RBFOX1: variants seen among roughly 807,000 people sequenced by gnomAD.
RBFOX1 encodes the protein RNA binding protein fox-1 homolog 1.
In RBFOX1, 8 loss-of-function variants were observed where a neutral mutation model predicts 57.7. The ratio of observed to expected loss-of-function variants is 0.14; its 90% CI spans 0.08 to 0.25. The LOEUF (loss-of-function observed/expected upper bound fraction) is 0.25. Ranked by LOEUF, RBFOX1 falls within the 10% of genes least tolerant of loss-of-function variation. The pLI, the probability that RBFOX1 is intolerant of heterozygous loss-of-function variation, is 1.00. For missense variants in RBFOX1, 611 were observed against 548.5 expected, an observed-to-expected ratio of 1.11 and a Z score of -1.14; for synonymous variants, 326 against 222.4, an observed-to-expected ratio of 1.47 and a Z score of -4.15.
At chr16:6,025,081 G>T (rs967168692) in intron 1 of RBFOX1, among the ~76,000 whole-genome samples, 1 of 152,204 alleles carries the variant, frequency 6.6e-6, no homozygotes, top group African/African-American at 2.4e-5. Context: ...ACCATTGGGG[G>T]ATTTTATGCA....
At chr16:5,350,510 G>A (rs2065239087) in intron 1 of RBFOX1, among the ~76,000 whole-genome samples, 1 of 152,308 alleles carries the variant, frequency 6.6e-6, no homozygotes, top group South Asian at 2.1e-4. Flanking sequence ...TTTGCTCTTT[G>A]TTGGATGTAT....
chr16:5,834,452 T>A (rs558254442), intron 3 of RBFOX1, among the ~76,000 whole-genome samples: 1 of 152,320 alleles, frequency 6.6e-6, no homozygotes, highest in South Asian at 2.1e-4. Context: ...CATGGCTGAG[T>A]AGTATTCCAT....
intron 3 of RBFOX1, among the ~76,000 whole-genome samples, chr16:6,655,156 C>T (rs2098638570): frequency 6.6e-6 from 1 of 151,476 alleles, no homozygotes; most frequent in African/African-American, 2.4e-5. Flanking sequence ...GGTGGATCAT[C>T]TGAGGTCAGG....
chr16:6,974,610 G>T (rs1223618577), intron 3 of RBFOX1, among the ~76,000 whole-genome samples: 1 of 151,970 alleles, frequency 6.6e-6, no homozygotes, highest in Non-Finnish European at 1.5e-5. Flanking sequence ...CTCCCAAAGT[G>T]CTGGGATTAC....
chr16:6,665,784 T>C (rs2098728944), intron 3 of RBFOX1, among the ~76,000 whole-genome samples: 1 of 152,168 alleles, frequency 6.6e-6, no homozygotes, highest in Admixed American at 6.5e-5. Context: ...TTATGCATAT[T>C]CTATTATTGA....
intron 1 of RBFOX1, among the ~76,000 whole-genome samples, chr16:6,128,350 C>A (rs1490108640): frequency 1.3e-5 from 2 of 152,234 alleles, no homozygotes; most frequent in East Asian, 3.9e-4. Context: ...ACTTCTGTGT[C>A]CAGCCATGAT....
intron 4 of RBFOX1, among the ~76,000 whole-genome samples, chr16:7,458,566 C>A (rs774154169): frequency 6.6e-6 from 1 of 152,218 alleles, no homozygotes; most frequent in Non-Finnish European, 1.5e-5. Context: ...TGACCTACTT[C>A]CCTAGCATTC....
chr16:7,008,203 G>A (rs1250500691), intron 3 of RBFOX1, among the ~76,000 whole-genome samples: 4 of 152,140 alleles, frequency 2.6e-5, no homozygotes, highest in Admixed American at 1.3e-4. Flanking sequence ...TATTTTTGGC[G>A]AATTGGCTTT....
intron 3 of RBFOX1, among the ~76,000 whole-genome samples, chr16:6,790,169 C>CTAGTATTATTATTATTAT (rs1555469951): frequency 1.1e-4 from 15 of 141,544 alleles, no homozygotes; most frequent in African/African-American, 3.9e-4. Context: ...TTATTTTATT[C>CTAGTATTATTATTATTAT]TATTATTATT....
chr16:6,836,790 AT>A (rs1845153021), intron 3 of RBFOX1, among the ~76,000 whole-genome samples: 1 of 152,204 alleles, frequency 6.6e-6, no homozygotes, highest in Non-Finnish European at 1.5e-5. Flanking sequence ...AATTTCTGTA[AT>A]TAGAAAGTAC....
intron 4 of RBFOX1, among the ~76,000 whole-genome samples, chr16:7,217,875 T>A (rs944018919): frequency 1.3e-5 from 2 of 151,166 alleles, no homozygotes; most frequent in Non-Finnish European, 2.9e-5. Flanking sequence ...TACACGCGTG[T>A]GTGCATGTGT....
intron 3 of RBFOX1, among the ~76,000 whole-genome samples, chr16:6,872,098 G>T (rs2061015182): frequency 6.6e-6 from 1 of 152,094 alleles, no homozygotes; most frequent in African/African-American, 2.4e-5. Context: ...CAGCATAATT[G>T]TAATGGTACC....
At chr16:6,827,582 C>G (rs1392056569) in intron 3 of RBFOX1, among the ~76,000 whole-genome samples, 2 of 152,312 alleles carry the variant, frequency 1.3e-5, no homozygotes, top group East Asian at 1.9e-4. Flanking sequence ...AAATCCGTCT[C>G]AGAGGGCCAG....
intron 4 of RBFOX1, among the ~76,000 whole-genome samples, chr16:7,387,807 G>A (rs1307870082): frequency 1.3e-5 from 2 of 152,154 alleles, no homozygotes; most frequent in African/African-American, 2.4e-5. Flanking sequence ...AGCTCCGTAC[G>A]TGTAGGGCTT....
chr16:5,812,439 ACATGAT>A (rs1456990108), intron 3 of RBFOX1, among the ~76,000 whole-genome samples: 4 of 149,740 alleles, frequency 2.7e-5, no homozygotes, highest in African/African-American at 9.8e-5. Context: ...ACACTCACCA[ACATGAT>A]CAGTCTTTTT....
intron 4 of RBFOX1, among the ~76,000 whole-genome samples, chr16:7,181,573 C>G (rs532525367): frequency 1.3e-5 from 2 of 151,934 alleles, no homozygotes; most frequent in East Asian, 3.9e-4. Flanking sequence ...CTCTCTTCCT[C>G]TCTTTCTCGC....
intron 4 of RBFOX1, among the ~76,000 whole-genome samples, chr16:7,325,128 C>T (rs1187421908): frequency 6.6e-6 from 1 of 152,154 alleles, no homozygotes; most frequent in Non-Finnish European, 1.5e-5. Flanking sequence ...ATCCTCCAAC[C>T]AGCTGCTAAT....
At chr16:7,425,785 CG>C (rs2098604896) in intron 4 of RBFOX1, among the ~76,000 whole-genome samples, 2 of 152,178 alleles carry the variant, frequency 1.3e-5, no homozygotes, top group Admixed American at 6.5e-5. Flanking sequence ...GAGAAAGGAT[CG>C]CCTTCCAGGA....
At chr16:5,537,516 G>T (rs972582400) in intron 2 of RBFOX1, among the ~76,000 whole-genome samples, 1 of 152,318 alleles carries the variant, frequency 6.6e-6, no homozygotes, top group South Asian at 2.1e-4. Context: ...GAGGCTGGAG[G>T]GGGGAATCTG....
Sources: gnomAD v4.1 joint callset for allele counts (sites outside exome capture counted in the v4.1 genomes callset) on GRCh38, gnomAD v4.1.1 for gene constraint, MANE v1.5 for transcripts, NCBI Gene and HGNC (gene_info 2026-07-23, HGNC 2026-07-21) for gene names.